CHD1L: variants seen among roughly 807,000 people sequenced by gnomAD.
CHD1L encodes ATP-dependent chromatin remodeler CHD1L.
Under a neutral mutation model 115.9 loss-of-function variants are expected in CHD1L, and 118 were observed. The observed-to-expected ratio is 1.02, with a 90% CI of 0.88 to 1.19. The LOEUF (loss-of-function observed/expected upper bound fraction) is 1.19, where lower values mean the gene tolerates loss of function less well. Among genes scored for constraint, CHD1L ranks in the 50% most tolerant of loss-of-function variants. The pLI is 0.00. For synonymous variants in CHD1L, 411 were observed against 387.1 expected (o/e 1.06, Z -0.72); for missense variants, 1,179 against 1,065.3 (o/e 1.11, Z -1.49).
At chr1:147,287,586 C>T (rs369343590) in intron 18 of CHD1L, 49 bp from the exon 19 acceptor site, 2 of 1,352,814 alleles carry the variant, frequency 1.5e-6, no homozygotes, top group African/African-American at 1.5e-5. Flanking sequence ...CTAAATTGTG[C>T]ACTGGACTTC....
intron 17 of CHD1L, 80 bp from the exon 18 acceptor site, chr1:147,286,218 G>A: frequency 1.5e-6 from 2 of 1,328,456 alleles, no homozygotes; most frequent in Non-Finnish European, 2.1e-6. Context: ...GATATTGTTT[G>A]TGAACAGCAG....
At chr1:147,218,227 T>C in the CHD1L span, among the ~76,000 whole-genome samples, 3 of 137,810 alleles carry the variant, frequency 2.2e-5, no homozygotes. Flanking sequence ...TAAATTATAG[T>C]ATCTCAACAT....
chr1:147,262,454 CCTAA>C (rs1437167662), intron 6 of CHD1L, among the ~76,000 whole-genome samples: 4 of 152,098 alleles, frequency 2.6e-5, no homozygotes, highest in African/African-American at 9.7e-5. Flanking sequence ...CCAAAATGGA[CCTAA>C]CTGAATCAAA....
At chr1:147,285,638 T>C (rs1283895269) in intron 17 of CHD1L, 151 bp downstream of exon 17, 1 of 901,216 alleles carries the variant, frequency 1.1e-6, no homozygotes, top group Non-Finnish European at 1.7e-6. Context: ...ACATTTCCTC[T>C]AGGTAAGTGA....
At chr1:147,213,266 C>T in the CHD1L span, 16 of 1,522,706 alleles carry the variant, frequency 1.1e-5, no homozygotes, top group Non-Finnish European at 1.4e-5. Flanking sequence ...GGTCAGGTCA[C>T]AGGCATGGGT....
At position 147,276,252 on chromosome 1, in the gene CHD1L, C is replaced by G. The variant is rs587738033; in HGVS notation, c.1534C>G (p.Leu512Val). Residue 512 changes from leucine (L) to valine (V), a missense_variant, in exon 14 of 23, where the codon CTC becomes GTC. Leu to Val is a conservative substitution (Grantham distance 32). Transcript: ENST00000369258. ...GAQKPAADADLQLSEILKFGL... is the reference protein window; with the variant it reads ...GAQKPAADADVQLSEILKFGL... ...CCAGAAACCCGCTGCCGATGCTGAC[C>G]TCCAGGTATGATATGATATACTGTT... 1 of 1,613,994 alleles carries G rather than the reference C, an allele frequency of 6.2e-7. No individual in the cohort carries two copies. Among genetic ancestry groups the G allele is most frequent in the Non-Finnish European group, 8.5e-7 (1 of 1,180,004 alleles).
the CHD1L span, among the ~76,000 whole-genome samples, chr1:147,232,648 G>A: frequency 1.4e-4 from 21 of 152,098 alleles, no homozygotes; most frequent in African/African-American, 3.9e-4. Context: ...GCAGGCACGC[G>A]CCGCCACGCC....
intron 7 of CHD1L, among the ~76,000 whole-genome samples, chr1:147,265,252 A>G (rs1478562308): frequency 2.6e-5 from 4 of 152,188 alleles, no homozygotes; most frequent in Non-Finnish European, 5.9e-5. Flanking sequence ...CACCTGGCGA[A>G]CCTGCTCTGA....
At chr1:147,265,383 A>G (rs1553947277) in intron 7 of CHD1L, among the ~76,000 whole-genome samples, 3 of 152,238 alleles carry the variant, frequency 2.0e-5, no homozygotes, top group African/African-American at 7.2e-5. Context: ...TTGAAATTCA[A>G]GTTTAACTGG....
chr1:147,267,063 A>G (rs1461788223), intron 8 of CHD1L, among the ~76,000 whole-genome samples: 1 of 152,216 alleles, frequency 6.6e-6, no homozygotes, highest in Non-Finnish European at 1.5e-5. Flanking sequence ...GTTGAATCAA[A>G]TTCACTGGGA....
the CHD1L span, among the ~76,000 whole-genome samples, chr1:147,217,454 T>C: frequency 6.6e-6 from 1 of 152,292 alleles, no homozygotes; most frequent in East Asian, 1.9e-4. Flanking sequence ...CCCTTTTTAT[T>C]CTAGAAATGA....
In CHD1L at chr1:147,288,322, C is replaced by CATTAAAAAA. The variant is rs1452486110; in HGVS notation, c.2320+590_2320+591insTTAAAAAAA. ...CCTGAGTGAGAGTGAGACCCTGTTT[C>CATTAAAAAA]AATAAAAAAAAAAAAAAAAAAAAAG... On this transcript the variant is annotated intron_variant, in intron 19 of 22. Coordinates refer to ENST00000369258, the MANE Select transcript of CHD1L (RefSeq NM_004284.6). 6.6e-4 allele frequency among the ~76,000 whole-genome samples: 58 copies of CATTAAAAAA among 87,904 alleles called. 5 individuals carry two copies. Among genetic ancestry groups the CATTAAAAAA allele is most frequent in the East Asian group, 4.6e-3 (12 of 2,602 alleles). The allele number at this position is 87,904 out of a possible 152,430, so 57.7% of individuals were successfully genotyped here. A position where few individuals can be genotyped will look rare whatever the true frequency, so the allele number is the denominator to read the frequency against.
At chr1:147,241,493 C>A (rs760930413), upstream of CHD1L, among the ~76,000 whole-genome samples, 3 of 152,158 alleles carry the variant, frequency 2.0e-5, no homozygotes, top group Non-Finnish European at 2.9e-5. Context: ...TATCTCCCTT[C>A]GCTGACTCTT....
intron 6 of CHD1L, 26 bp downstream of exon 6, chr1:147,259,944 T>C: frequency 6.6e-6 from 10 of 1,522,924 alleles, no homozygotes; most frequent in Non-Finnish European, 8.1e-6. Flanking sequence ...AGCCTTAGTT[T>C]TTATATAACC....
intron 12 of CHD1L, among the ~76,000 whole-genome samples, chr1:147,273,401 A>G (rs1281173394): frequency 6.6e-6 from 1 of 152,208 alleles, no homozygotes; most frequent in Non-Finnish European, 1.5e-5. Context: ...AGGGTATATG[A>G]AAGAAGTGTT....
chr1:147,180,682 C>T, the CHD1L span, among the ~76,000 whole-genome samples: 1 of 152,146 alleles, frequency 6.6e-6, no homozygotes, highest in Non-Finnish European at 1.5e-5. Context: ...ATTTCTCACC[C>T]CTACCCACCC....
chr1:147,233,944 G>A, the CHD1L span, among the ~76,000 whole-genome samples: 1 of 152,148 alleles, frequency 6.6e-6, no homozygotes, highest in South Asian at 2.1e-4. Context: ...AGTACCCAGG[G>A]ACACAAACAC....
chr1:147,213,256 G>A, the CHD1L span: 1 of 1,436,536 alleles, frequency 7.0e-7, no homozygotes. Context: ...ATTCCTCAGG[G>A]GTCAGGTCAC....
the CHD1L span, among the ~76,000 whole-genome samples, chr1:147,194,070 T>G: frequency 6.6e-6 from 1 of 152,148 alleles, no homozygotes; most frequent in Non-Finnish European, 1.5e-5. Flanking sequence ...CTTGTTAACC[T>G]TCTGTCTCGT....
Sources: allele counts gnomAD v4.1 joint callset (sites outside exome capture counted in the v4.1 genomes callset), GRCh38; gene constraint gnomAD v4.1.1; transcripts MANE v1.5; gene names NCBI Gene and HGNC (gene_info 2026-07-23, HGNC 2026-07-21).